DLGAP2: variants seen among roughly 807,000 people sequenced by gnomAD.
DLGAP2 encodes DLG associated protein 2.
DLGAP2 carries 26 observed loss-of-function variants against 100.3 expected under a neutral mutation model. That is an observed-to-expected ratio of 0.26 (90% CI 0.19 to 0.36). DLGAP2 has a LOEUF of 0.36. Among genes scored for constraint, DLGAP2 ranks in the 10% least tolerant of loss-of-function variants. DLGAP2 has a pLI of 1.00. For missense variants in DLGAP2, 1,858 were observed against 1,453.2 expected (o/e 1.28, Z -4.53); for synonymous variants, 886 against 630.1 (o/e 1.41, Z -6.08).
chr8:1,527,950 G>A (rs1466395870), intron 4 of DLGAP2, among the ~76,000 whole-genome samples: 1 of 151,370 alleles, frequency 6.6e-6, no homozygotes, highest in Non-Finnish European at 1.5e-5. Flanking sequence ...TCAACTGATT[G>A]TATTACATAC....
intron 1 of DLGAP2, among the ~76,000 whole-genome samples, chr8:784,477 T>C (rs1410769978): frequency 6.6e-6 from 1 of 152,240 alleles, no homozygotes; most frequent in Non-Finnish European, 1.5e-5. Context: ...AAATGAATAC[T>C]GTAATATTTT....
intron 2 of DLGAP2, among the ~76,000 whole-genome samples, chr8:944,837 G>A (rs191455507): frequency 8.6e-5 from 13 of 151,340 alleles, no homozygotes; most frequent in Non-Finnish European, 8.8e-5. Context: ...TGATCCCTGC[G>A]GGTGATCCAG....
chr8:879,971 C>G (rs1797756434), intron 1 of DLGAP2, among the ~76,000 whole-genome samples: 1 of 152,176 alleles, frequency 6.6e-6, no homozygotes, highest in African/African-American at 2.4e-5. Context: ...CAGCCTCCTT[C>G]TTTACTCATT....
chr8:1,665,197 A>C (rs1212321955), intron 8 of DLGAP2, among the ~76,000 whole-genome samples: 2 of 152,138 alleles, frequency 1.3e-5, no homozygotes, highest in African/African-American at 4.8e-5. Context: ...AGGAAGGTTT[A>C]CTTGTTTTGT....
intron 2 of DLGAP2, among the ~76,000 whole-genome samples, chr8:977,423 A>G (rs992251113): frequency 6.6e-6 from 1 of 152,224 alleles, no homozygotes; most frequent in African/African-American, 2.4e-5. Flanking sequence ...TGGCAATGTG[A>G]GGTCAAAACT....
intron 2 of DLGAP2, among the ~76,000 whole-genome samples, chr8:1,082,379 C>G (rs1056758822): frequency 6.6e-6 from 1 of 152,128 alleles, no homozygotes; most frequent in Admixed American, 6.5e-5. Flanking sequence ...AAAAAATCAC[C>G]TTTTCAAAAT....
chr8:1,496,985 T>C (rs1234221375), intron 3 of DLGAP2, among the ~76,000 whole-genome samples: 3 of 151,852 alleles, frequency 2.0e-5, no homozygotes, highest in Non-Finnish European at 4.4e-5. Flanking sequence ...TCACACGTTA[T>C]GGAATATGGT....
chr8:917,822 G>T (rs774051238), intron 2 of DLGAP2, among the ~76,000 whole-genome samples: 1 of 151,832 alleles, frequency 6.6e-6, no homozygotes, highest in Non-Finnish European at 1.5e-5. Flanking sequence ...CTCGGGATCC[G>T]CCTGCCTCGG....
At chr8:1,364,372 T>C (rs1388779128) in intron 3 of DLGAP2, among the ~76,000 whole-genome samples, 3 of 152,108 alleles carry the variant, frequency 2.0e-5, no homozygotes, top group Non-Finnish European at 4.4e-5. Context: ...GGCTGCCACG[T>C]GCGGAATGAG....
intron 3 of DLGAP2, among the ~76,000 whole-genome samples, chr8:1,456,856 A>AGGCCGTG (rs1347157516): frequency 8.1e-4 from 2 of 2,476 alleles, no homozygotes; most frequent in Non-Finnish European, 1.5e-3. Flanking sequence ...CAGGCTGTGC[A>AGGCCGTG]CTGGTGAAAT....
intron 13 of DLGAP2, among the ~76,000 whole-genome samples, chr8:1,692,690 T>C (rs113521150): frequency 1.3e-5 from 2 of 152,142 alleles, no homozygotes; most frequent in African/African-American, 4.8e-5. Flanking sequence ...ACAACTACAA[T>C]GAAGAGATTA....
intron 1 of DLGAP2, among the ~76,000 whole-genome samples, chr8:806,229 C>T (rs1415047317): frequency 1.3e-5 from 2 of 152,198 alleles, no homozygotes; most frequent in Admixed American, 1.3e-4. Context: ...AAAGTAGAGA[C>T]TTTACAGGAT....
At chr8:827,363 A>G (rs1796701107) in intron 1 of DLGAP2, among the ~76,000 whole-genome samples, 1 of 152,256 alleles carries the variant, frequency 6.6e-6, no homozygotes, top group Non-Finnish European at 1.5e-5. Flanking sequence ...GCAGACTTGC[A>G]TGCAAATTCA....
At chr8:1,281,971 G>A (rs1317838944) in intron 3 of DLGAP2, among the ~76,000 whole-genome samples, 1 of 105,358 alleles carries the variant, frequency 9.5e-6, no homozygotes. Context: ...TCTGGACATG[G>A]TGTAACCTGA....
At chr8:898,531 T>C (rs938228379) in intron 1 of DLGAP2, among the ~76,000 whole-genome samples, 1 of 152,202 alleles carries the variant, frequency 6.6e-6, no homozygotes, top group African/African-American at 2.4e-5. Context: ...CACGGAGACA[T>C]GATTGGGGGT....
At chr8:816,388 C>G (rs1296518338) in intron 1 of DLGAP2, among the ~76,000 whole-genome samples, 1 of 151,870 alleles carries the variant, frequency 6.6e-6, no homozygotes, top group Admixed American at 6.6e-5. Flanking sequence ...TTTAGAGCTC[C>G]TTGTAGCAGT....
rs1294560086 is a variant in DLGAP2, at chr8:1,474,644, T to A, written c.107-26722T>A. On this transcript the variant is annotated intron_variant, in intron 3 of 14. Coordinates refer to ENST00000637795, the MANE Select transcript of DLGAP2 (RefSeq NM_001346810.2). ...ATAAAATGCTCATCATCAGTAATCA[T>A]CTGAGAAATGCAAATCAAAACCACA... Among the ~76,000 whole-genome samples the A allele has an allele frequency of 2.0e-5, 3 of 152,284 alleles. No homozygotes were observed. The East Asian group carries it at 5.8e-4, about 29-fold the overall frequency.
chr8:1,534,657 A>C (rs1801094224), intron 4 of DLGAP2, among the ~76,000 whole-genome samples: 1 of 152,144 alleles, frequency 6.6e-6, no homozygotes, highest in Non-Finnish European at 1.5e-5. Context: ...TTTTTTAAAG[A>C]TGTTTCTTAA....
At chr8:838,088 C>G (rs771762479) in intron 1 of DLGAP2, among the ~76,000 whole-genome samples, 1 of 151,012 alleles carries the variant, frequency 6.6e-6, no homozygotes, top group African/African-American at 2.4e-5. Context: ...TGTGTGGATC[C>G]TGTAGTGTGG....
Sources: gnomAD v4.1 joint callset for allele counts (sites outside exome capture counted in the v4.1 genomes callset) on GRCh38, gnomAD v4.1.1 for gene constraint, MANE v1.5 for transcripts, NCBI Gene and HGNC (gene_info 2026-07-23, HGNC 2026-07-21) for gene names.